ACOXL: variants seen among roughly 807,000 people sequenced by gnomAD.
ACOXL encodes the protein acyl-CoA oxidase like, also known as acyl-coenzyme A oxidase-like protein.
A neutral mutation model predicts 71.9 loss-of-function variants in ACOXL; 70 were observed. The ratio of observed to expected loss-of-function variants is 0.97; its 90% CI spans 0.80 to 1.19. The LOEUF (loss-of-function observed/expected upper bound fraction) is 1.19, where lower values mean the gene tolerates loss of function less well. ACOXL is among the 50% of genes most tolerant of loss of function. The pLI, the probability that ACOXL is intolerant of heterozygous loss-of-function variation, is 0.00. For missense variants in ACOXL, 703 were observed against 736.3 expected (o/e 0.95, Z 0.52); for synonymous variants, 253 against 281.6 (o/e 0.90, Z 1.02).
intron 13 of ACOXL, among the ~76,000 whole-genome samples, chr2:110,991,457 G>A (rs2063170788): frequency 6.6e-6 from 1 of 152,042 alleles, no homozygotes; most frequent in Non-Finnish European, 1.5e-5. Flanking sequence ...TACTTTTAGA[G>A]AGCTTGTTAT....
intron 14 of ACOXL, among the ~76,000 whole-genome samples, chr2:111,005,508 G>A (rs2063832180): frequency 6.6e-6 from 1 of 152,168 alleles, no homozygotes; most frequent in African/African-American, 2.4e-5. Context: ...TGTGCAACCT[G>A]ACTACTCTTG....
intron 16 of ACOXL, among the ~76,000 whole-genome samples, chr2:111,089,782 A>C (rs1164335223): frequency 2.0e-5 from 3 of 152,248 alleles, no homozygotes; most frequent in African/African-American, 7.2e-5. Context: ...ATAAAAGCAC[A>C]TTCTGCCTTG....
At chr2:111,024,721 C>T (rs1473460213) in intron 14 of ACOXL, among the ~76,000 whole-genome samples, 4 of 151,836 alleles carry the variant, frequency 2.6e-5, no homozygotes, top group East Asian at 1.9e-4. Context: ...GAGAAAAAGG[C>T]GGTATCTTGT....
chr2:111,117,459 G>A (rs1023718167), intron 17 of ACOXL, among the ~76,000 whole-genome samples, 157 bp from the exon 18 acceptor site: 1 of 152,184 alleles, frequency 6.6e-6, no homozygotes. Flanking sequence ...GCTTCCGAGG[G>A]TTATTCATGG....
chr2:111,114,658 C>G lies in ACOXL; in HGVS notation c.1543-2958C>G, dbSNP rs74873226. 2.6e-5 allele frequency among the ~76,000 whole-genome samples: 4 copies of G among 152,188 alleles called. No homozygotes were observed. The East Asian group carries it at 5.8e-4, about 22-fold the overall frequency. On this transcript the variant is annotated intron_variant, in intron 17 of 17. Coordinates refer to ENST00000439055, the MANE Select transcript of ACOXL (RefSeq NM_001142807.4). Reference sequence around the variant, plus strand: ...CCAAGTGTACTGGGCACTTCCCACCCTGAACATCTATTATAGGACTAACAC... The same window carrying G: ...CCAAGTGTACTGGGCACTTCCCACCGTGAACATCTATTATAGGACTAACAC...
chr2:110,788,585 A>G (rs1236941911), intron 3 of ACOXL, among the ~76,000 whole-genome samples: 1 of 152,204 alleles, frequency 6.6e-6, no homozygotes, highest in Non-Finnish European at 1.5e-5. Flanking sequence ...TTATGACTGT[A>G]CTTCATGCCA....
intron 9 of ACOXL, among the ~76,000 whole-genome samples, chr2:110,838,065 A>G (rs139685009): frequency 1.3e-5 from 2 of 152,222 alleles, no homozygotes; most frequent in Non-Finnish European, 2.9e-5. Context: ...CTGAATGCCA[A>G]AGTGTATCCA....
At chr2:111,056,613 C>T (rs1360701367) in intron 16 of ACOXL, among the ~76,000 whole-genome samples, 3 of 151,796 alleles carry the variant, frequency 2.0e-5, no homozygotes, top group Non-Finnish European at 4.4e-5. Flanking sequence ...ACGGTGAAAC[C>T]CCATCTCTAC....
chr2:111,015,424 G>A (rs555489458), intron 14 of ACOXL, among the ~76,000 whole-genome samples: 4 of 152,246 alleles, frequency 2.6e-5, no homozygotes, highest in South Asian at 2.1e-4. Context: ...GAAACACCAC[G>A]ACACACCCAC....
intron 11 of ACOXL, among the ~76,000 whole-genome samples, chr2:110,929,980 G>T (rs1404553878): frequency 6.6e-6 from 1 of 152,364 alleles, no homozygotes; most frequent in Admixed American, 6.5e-5. Context: ...GAGAACCTTT[G>T]CTAGGGTAGT....
intron 12 of ACOXL, among the ~76,000 whole-genome samples, chr2:110,945,114 T>C (rs776373094): frequency 1.1e-4 from 16 of 152,260 alleles, no homozygotes; most frequent in Non-Finnish European, 1.9e-4. Context: ...TTGAGCATTT[T>C]TTCATATGCT....
chr2:111,022,192 G>A (rs2064794499), intron 14 of ACOXL, among the ~76,000 whole-genome samples: 1 of 151,942 alleles, frequency 6.6e-6, no homozygotes, highest in South Asian at 2.1e-4. Context: ...GTGAAACCCT[G>A]TCTCCACTAA....
chr2:110,742,729 A>T (rs913353101), intron 1 of ACOXL, among the ~76,000 whole-genome samples: 7 of 152,234 alleles, frequency 4.6e-5, no homozygotes, highest in African/African-American at 1.7e-4. Flanking sequence ...GTTTGAGTGC[A>T]TACAAAGATA....
At chr2:110,927,082 AC>A (rs1247589624) in intron 11 of ACOXL, among the ~76,000 whole-genome samples, 14 of 152,328 alleles carry the variant, frequency 9.2e-5, no homozygotes, top group Non-Finnish European at 4.4e-5. Context: ...CAGGAAACTT[AC>A]AATCATGGTG....
chr2:110,830,784 C>T (rs558575949), intron 9 of ACOXL, among the ~76,000 whole-genome samples: 14 of 152,268 alleles, frequency 9.2e-5, no homozygotes, highest in Admixed American at 3.9e-4. Flanking sequence ...CCCCCCACCT[C>T]GGCCTCCCAA....
At chr2:110,754,905 A>G (rs778233887) in intron 1 of ACOXL, among the ~76,000 whole-genome samples, 1 of 152,172 alleles carries the variant, frequency 6.6e-6, no homozygotes, top group Admixed American at 6.5e-5. Flanking sequence ...CAAACTGTCA[A>G]ACTTTTCTAG....
At chr2:110,917,443 TATCATACTGA>T (rs1308208475) in intron 11 of ACOXL, among the ~76,000 whole-genome samples, 4 of 152,214 alleles carry the variant, frequency 2.6e-5, no homozygotes, top group African/African-American at 4.8e-5. Flanking sequence ...CCACAGCCAC[TATCATACTGA>T]ATGGGCAAAA....
At chr2:110,791,575 G>A (rs1684652669) in intron 3 of ACOXL, among the ~76,000 whole-genome samples, 1 of 152,228 alleles carries the variant, frequency 6.6e-6, no homozygotes, top group Non-Finnish European at 1.5e-5. Context: ...TGCAGTGCCT[G>A]CGATGATTCT....
At chr2:111,069,895 T>C (rs761722459) in intron 16 of ACOXL, among the ~76,000 whole-genome samples, 2 of 151,946 alleles carry the variant, frequency 1.3e-5, no homozygotes, top group African/African-American at 2.4e-5. Context: ...CTCCTTCCCA[T>C]TGGACATGGT....
Sources: gnomAD v4.1 joint callset for allele counts (sites outside exome capture counted in the v4.1 genomes callset) on GRCh38, gnomAD v4.1.1 for gene constraint, MANE v1.5 for transcripts, NCBI Gene and HGNC (gene_info 2026-07-23, HGNC 2026-07-21) for gene names.